Variants in ATG4A observed in about 807,000 individuals in gnomAD.
ATG4A encodes autophagy related 4A cysteine peptidase, also known as cysteine protease ATG4A.
A neutral mutation model predicts 38.4 loss-of-function variants in ATG4A; 22 were observed. The observed-to-expected ratio is 0.57, with a 90% CI of 0.41 to 0.82. The LOEUF is 0.82. Among genes scored for constraint, ATG4A ranks in the 40% least tolerant of loss-of-function variants. ATG4A has a pLI of 0.00. For missense variants in ATG4A, 220 were observed against 290.0 expected, an observed-to-expected ratio of 0.76 and a Z score of 1.75; for synonymous variants, 86 against 100.7, an observed-to-expected ratio of 0.85 and a Z score of 0.88.
chrX:108,150,537 T>C (rs1280704887), intron 10 of ATG4A, among the ~76,000 whole-genome samples: 2 of 112,745 alleles, frequency 1.8e-5, no homozygotes, highest in East Asian at 5.6e-4. Context: ...AAGACATACC[T>C]GAGGCTGGGT....
intron 11 of ATG4A, 56 bp downstream of exon 11, chrX:108,151,914 T>C: frequency 9.4e-7 from 1 of 1,058,246 alleles, no homozygotes; most frequent in Non-Finnish European, 1.3e-6. Flanking sequence ...TTTTATTCCT[T>C]TTCAAGATTG....
upstream of ATG4A, among the ~76,000 whole-genome samples, chrX:108,091,192 G>A (rs1217755736): frequency 8.8e-6 from 1 of 113,530 alleles, no homozygotes; most frequent in African/African-American, 3.2e-5. Context: ...ATCAGGGAGC[G>A]GAGCTCCGGG....
chrX:108,133,403 C>T (rs1453648574), intron 4 of ATG4A, among the ~76,000 whole-genome samples: 3 of 112,347 alleles, frequency 2.7e-5, no homozygotes, highest in Non-Finnish European at 5.6e-5. Flanking sequence ...AGATGGTATC[C>T]GTACAGATGC....
chrX:108,141,060 G>A (rs146131346), intron 9 of ATG4A, among the ~76,000 whole-genome samples: 2,752 of 29,676 alleles, frequency 0.093, 462 homozygotes, highest in African/African-American at 0.12. Flanking sequence ...ATATATACGT[G>A]TATATATATA....
intron 1 of ATG4A, among the ~76,000 whole-genome samples, chrX:108,121,757 C>T (rs2032656637): frequency 8.9e-6 from 1 of 112,058 alleles, no homozygotes; most frequent in Admixed American, 9.4e-5. Flanking sequence ...TGTTTCCAGA[C>T]CTAGCCTCTC....
At chrX:108,115,119 G>A (rs1349896883) in intron 1 of ATG4A, among the ~76,000 whole-genome samples, 22 of 67,974 alleles carry the variant, frequency 3.2e-4, no homozygotes, top group African/African-American at 1.9e-3. Context: ...GCATGTATGC[G>A]TGTGTGTGTG....
intron 9 of ATG4A, among the ~76,000 whole-genome samples, chrX:108,141,021 CAT>C (rs1203527127): frequency 3.0e-4 from 23 of 76,072 alleles, no homozygotes; most frequent in Admixed American, 2.4e-3. Flanking sequence ...TATATATACA[CAT>C]ATATATACAT....
chrX:108,138,117 G>A lies in ATG4A; in HGVS notation c.740G>A (p.Cys247Tyr). 8.3e-7 allele frequency: 1 copy of A among 1,210,005 alleles called. No homozygotes were observed. The highest frequency in any genetic ancestry group is 1.1e-6 in the Non-Finnish European group (1 of 893,809). ...TTGCATTGTCTTTCTCTCCAGGAGT[G>A]TTTTAAGATGCCACAGTCTTTAGGG... ...NPVYVDAFKECFKMPQSLGAL... is the reference protein window; with the variant it reads ...NPVYVDAFKEYFKMPQSLGAL... Residue 247 changes from cysteine to tyrosine, a missense_variant, in exon 9 of 13, where the codon TGT becomes TAT. Cys to Tyr is a radical substitution (Grantham distance 194, BLOSUM62 -2). Transcript: ENST00000372232.
chrX:108,125,764 C>T (rs1212174496), intron 1 of ATG4A, among the ~76,000 whole-genome samples: 4 of 111,586 alleles, frequency 3.6e-5, no homozygotes, highest in East Asian at 2.8e-4. Flanking sequence ...AGGGGAAGCT[C>T]GATAATTGGC....
chrX:108,105,054 G>T (rs999355204), intron 1 of ATG4A, among the ~76,000 whole-genome samples: 18 of 109,788 alleles, frequency 1.6e-4, no homozygotes, highest in African/African-American at 6.0e-4. Context: ...TCTTTATGAT[G>T]GTTATTTTGA....
At chrX:108,103,359 A>G (rs755758823) in intron 1 of ATG4A, among the ~76,000 whole-genome samples, 3 of 111,981 alleles carry the variant, frequency 2.7e-5, no homozygotes, top group Non-Finnish European at 5.6e-5. Context: ...TTTTGGAACT[A>G]TCATTGGAGA....
chrX:108,138,111 A>G lies in ATG4A; in HGVS notation c.736-2A>G. On this transcript the variant is annotated splice_acceptor_variant, in intron 8 of 12. Coordinates refer to ENST00000372232, the MANE Select transcript of ATG4A (RefSeq NM_052936.5). LOFTEE classifies it high-confidence loss of function. ...AGAATCTTGCATTGTCTTTCTCTCC[A>G]GGAGTGTTTTAAGATGCCACAGTCT... 1 of 1,209,521 alleles carries G rather than the reference A, an allele frequency of 8.3e-7. No individual in the cohort carries two copies.
At chrX:108,133,221 A>C (rs1368861801) in intron 4 of ATG4A, among the ~76,000 whole-genome samples, 1 of 112,520 alleles carries the variant, frequency 8.9e-6, no homozygotes, top group Non-Finnish European at 1.9e-5. Context: ...AAACTCTTTA[A>C]AACCTCAGGA....
intron 1 of ATG4A, among the ~76,000 whole-genome samples, chrX:108,104,371 C>T (rs1364285801): frequency 3.6e-5 from 4 of 110,523 alleles, no homozygotes; most frequent in Admixed American, 2.9e-4. Context: ...CATGTGGGAA[C>T]GTTTTTATTC....
chrX:108,139,467 G>T (rs2033182445), intron 9 of ATG4A, among the ~76,000 whole-genome samples: 1 of 112,122 alleles, frequency 8.9e-6, no homozygotes, highest in African/African-American at 3.2e-5. Context: ...TCTTTAGGTT[G>T]GGGGGTGTGG....
At chrX:108,091,327 C>G, upstream of ATG4A, 1 of 954,477 alleles carries the variant, frequency 1.0e-6, no homozygotes, top group Non-Finnish European at 1.5e-6. Flanking sequence ...GAAACGGGGC[C>G]TCCGCTAGGG....
Position 108,128,303 on chromosome X carries a change from G to C in ATG4A, c.122-478G>C, listed in dbSNP as rs182475043. Among the ~76,000 whole-genome samples, 621 of 110,530 alleles carry C rather than the reference G, an allele frequency of 5.6e-3. 6 individuals are homozygous for C. The highest frequency in any genetic ancestry group is 0.019 in the African/African-American group (584 of 30,349). On this transcript the variant is annotated intron_variant, in intron 2 of 12. Transcript: ENST00000372232. Reference sequence around the variant, plus strand: ...TGGTCTTGAATTCCTGGCCTGAAGCGATCTCCCTGTCTCAGCTTCCCAAAG... The same window carrying C: ...TGGTCTTGAATTCCTGGCCTGAAGCCATCTCCCTGTCTCAGCTTCCCAAAG...
intron 1 of ATG4A, among the ~76,000 whole-genome samples, chrX:108,125,658 C>T (rs2032778180): frequency 8.9e-6 from 1 of 111,802 alleles, no homozygotes; most frequent in East Asian, 2.8e-4. Context: ...AGCCACTGGC[C>T]ACTAGAAACC....
chrX:108,118,007 T>C (rs2032553642), intron 1 of ATG4A, among the ~76,000 whole-genome samples: 1 of 112,387 alleles, frequency 8.9e-6, no homozygotes, highest in South Asian at 3.7e-4. Context: ...GTTGTTTGCT[T>C]AGGAACCGTG....
Sources: gnomAD v4.1 joint callset for allele counts (sites outside exome capture counted in the v4.1 genomes callset) on GRCh38, gnomAD v4.1.1 for gene constraint, MANE v1.5 for transcripts, NCBI Gene and HGNC (gene_info 2026-07-23, HGNC 2026-07-21) for gene names.